Variants in GGT5 observed in about 807,000 individuals in gnomAD.
GGT5 encodes the protein glutathione hydrolase 5 proenzyme.
A neutral mutation model predicts 58.1 loss-of-function variants in GGT5; 50 were observed. That is an observed-to-expected ratio of 0.86 (90% CI 0.69 to 1.09). GGT5 has a LOEUF of 1.09. Among genes scored for constraint, GGT5 ranks in the 50% least tolerant of loss-of-function variants. The pLI, the probability that GGT5 is intolerant of heterozygous loss-of-function variation, is 0.00. For synonymous variants in GGT5, 370 were observed against 346.1 expected (o/e 1.07, Z -0.77); for missense variants, 800 against 789.4 (o/e 1.01, Z -0.16).
rs1168936335 is a variant in GGT5, at chr22:24,232,924, G to T, written c.495C>A (p.Pro165=). 1.3e-6 allele frequency: 2 copies of T among 1,577,778 alleles called. No individual in the cohort carries two copies. Among genetic ancestry groups the T allele is most frequent in the Admixed American group, 1.8e-5 (1 of 55,040 alleles). The part of the protein sequence containing the change: ...GRLPWAQLFQ[P]TIALLRGGHV... ...GCCCCCCTCGGAGCAGCGCGATGGTGGGCTGGAACAGCTGCGCCCAGGGCA... is the reference window on the plus strand; with the variant it reads ...GCCCCCCTCGGAGCAGCGCGATGGTTGGCTGGAACAGCTGCGCCCAGGGCA... The change falls in exon 4 of 12, where the codon CCC becomes CCA. Residue 165 remains proline, a synonymous_variant. Transcript: ENST00000327365.
intron 6 of GGT5, among the ~76,000 whole-genome samples, chr22:24,226,988 G>A (rs1020157060): frequency 4.0e-5 from 5 of 124,728 alleles, no homozygotes; most frequent in African/African-American, 1.6e-4. Flanking sequence ...TCACTCTATT[G>A]CCCAGGCTGG....
At chr22:24,244,526 C>G in intron 1 of GGT5, 27 bp downstream of exon 1, 1 of 1,600,980 alleles carries the variant, frequency 6.2e-7, no homozygotes, top group Non-Finnish European at 8.5e-7. Flanking sequence ...CCAAGGGCCA[C>G]CCAGCTTCCT....
intron 1 of GGT5, among the ~76,000 whole-genome samples, chr22:24,239,065 C>T (rs557830343): frequency 4.2e-5 from 6 of 142,770 alleles, no homozygotes; most frequent in African/African-American, 1.6e-4. Flanking sequence ...GGTGGCCAGG[C>T]GTGGTGGCTC....
rs767768987 is a variant in GGT5, at chr22:24,232,060, C to T, written c.745G>A (p.Ala249Thr). 6.2e-7 allele frequency: 1 copy of T among 1,613,332 alleles called. No homozygotes were observed. The highest frequency in any genetic ancestry group is 1.1e-5 in the South Asian group (1 of 90,996). Reference protein sequence around the residue: ...RLGQMLVEDIAKEGSQLTLQD... With the variant: ...RLGQMLVEDITKEGSQLTLQD... ...CCTCAGGGAGGCTGACCTTCCTTGG[C>T]AATGTCCTCCACCAGCATCTGGCCC... The change falls in exon 5 of 12, where the codon GCC becomes ACC. Residue 249 changes from alanine to threonine, a missense_variant. Ala to Thr is a moderately conservative substitution (Grantham distance 58). Coordinates refer to ENST00000327365, the MANE Select transcript of GGT5 (RefSeq NM_004121.5).
intron 1 of GGT5, among the ~76,000 whole-genome samples, chr22:24,235,982 C>G (rs1308456838): frequency 4.6e-5 from 7 of 152,178 alleles, no homozygotes; most frequent in African/African-American, 1.7e-4. Context: ...GTCCATGGTC[C>G]TTGTGCATCT....
rs189167005 is a variant in GGT5 at position 24,220,292 on chromosome 22, C to T, written c.1615-176G>A. On this transcript the variant is annotated intron_variant, in intron 11 of 11. Coordinates refer to ENST00000327365, the MANE Select transcript of GGT5 (RefSeq NM_004121.5). ...GGAGCATGGAAGAGATCCAAAGGCC[C>T]ATAGAGGACAAGCTCAGCCTCCAGG... Among the ~76,000 whole-genome samples, 138 of 152,276 alleles carry T rather than the reference C, an allele frequency of 9.1e-4. 1 individual carries two copies. The highest frequency in any genetic ancestry group is 3.4e-3 in the Middle Eastern group (1 of 294).
intron 1 of GGT5, among the ~76,000 whole-genome samples, chr22:24,235,320 A>C (rs1379087632): frequency 6.6e-6 from 1 of 152,136 alleles, no homozygotes. Context: ...GGCCTCCCAA[A>C]GTGCTGGGAT....
At chr22:24,244,043 G>A (rs1284953336) in intron 1 of GGT5, 1 of 154,772 alleles carries the variant, frequency 6.5e-6, no homozygotes, top group Non-Finnish European at 1.4e-5. Context: ...CTCACTGAAG[G>A]GGCCTGCACC....
At chr22:24,228,060 AAAAAAACAAAAC>A (rs1444597470) in intron 6 of GGT5, among the ~76,000 whole-genome samples, 3,996 of 130,546 alleles carry the variant, frequency 0.031, 359 homozygotes, top group African/African-American at 0.094. Flanking sequence ...AAAAAAAAAA[AAAAAAACAAAAC>A]AAAAAAAAAA....
chr22:24,232,955 C>A lies in GGT5; in HGVS notation c.464G>T (p.Gly155Val). 1 of 1,566,568 alleles carries A rather than the reference C, an allele frequency of 6.4e-7. No individual in the cohort carries two copies. Among genetic ancestry groups the A allele is most frequent in the Non-Finnish European group, 8.6e-7 (1 of 1,156,160 alleles). Residue 155 changes from glycine to valine, a missense_variant, in exon 4 of 12, where the codon GGC becomes GTC. Physicochemically the swap from Gly to Val is moderately radical, Grantham distance 109. Coordinates refer to ENST00000327365, the MANE Select transcript of GGT5 (RefSeq NM_004121.5). ...RGYAEAHRRH[G>V]RLPWAQLFQP... is the part of the protein sequence containing the mutation. ...GAACAGCTGCGCCCAGGGCAGGCGGCCATGGCGGCGGTGGGCCTCGGCATA... is the reference window on the plus strand; with the variant it reads ...GAACAGCTGCGCCCAGGGCAGGCGGACATGGCGGCGGTGGGCCTCGGCATA...
At chr22:24,233,771 A>G in intron 2 of GGT5, 103 bp downstream of exon 2, 1 of 1,197,938 alleles carries the variant, frequency 8.3e-7, no homozygotes. Flanking sequence ...GGGCCCAAGA[A>G]CACCCAGAAA....
intron 6 of GGT5, among the ~76,000 whole-genome samples, 157 bp from the exon 7 acceptor site, chr22:24,226,924 T>G: frequency 1.4e-5 from 2 of 146,712 alleles, no homozygotes; most frequent in Admixed American, 7.0e-5. Flanking sequence ...ATACCTTAAG[T>G]GGAAAAGTAA....
At chr22:24,227,924 C>T (rs970498357) in intron 6 of GGT5, among the ~76,000 whole-genome samples, 1 of 151,568 alleles carries the variant, frequency 6.6e-6, no homozygotes, top group Non-Finnish European at 1.5e-5. Context: ...TGGTGGGTGC[C>T]TGTAACCCCA....
Position 24,232,162 on chromosome 22 carries a change from G to T in GGT5, c.643C>A (p.Leu215Ile), listed in dbSNP as rs1317043368. Residue 215 changes from leucine to isoleucine, a missense_variant, in exon 5 of 12, where the codon CTC becomes ATC. Coordinates refer to ENST00000327365, the MANE Select transcript of GGT5 (RefSeq NM_004121.5). ...GTEPLRPQDP[L>I]PWPALATTLE... The stretch of plus-strand genomic sequence containing the variant: ...GTGGTGGCCAGTGCAGGCCATGGGA[G>T]TGGGTCCTGAGGCCTCAGGGGTTCT... 1.3e-6 allele frequency: 2 copies of T among 1,588,008 alleles called. No individual in the cohort carries two copies. Among genetic ancestry groups the T allele is most frequent in the East Asian group, 4.6e-5 (2 of 43,858 alleles).
At chr22:24,224,856 C>T in intron 11 of GGT5, 140 bp downstream of exon 11, 1 of 639,372 alleles carries the variant, frequency 1.6e-6, no homozygotes, top group Non-Finnish European at 2.8e-6. Flanking sequence ...CATCAAGGTC[C>T]CCAACTCCTA....
chr22:24,225,583 C>T lies in GGT5; in HGVS notation c.1299G>A (p.Glu433=), dbSNP rs752530955. 2.2e-5 allele frequency: 35 copies of T among 1,613,326 alleles called. No homozygotes were observed. Among genetic ancestry groups the T allele is most frequent in the Non-Finnish European group, 2.9e-5 (34 of 1,179,378 alleles). The change falls in exon 9 of 12, where the codon GAG becomes GAA. Residue 433 remains glutamate (E), a synonymous_variant. Coordinates refer to ENST00000327365, the MANE Select transcript of GGT5 (RefSeq NM_004121.5). Reference sequence around the variant, plus strand: ...TGGTGCCGGAACCCCGGGGGCATCGCTCGCATAAGTCCAGGAGCTCGTTGT... The same window carrying T: ...TGGTGCCGGAACCCCGGGGGCATCGTTCGCATAAGTCCAGGAGCTCGTTGT... The part of the protein sequence containing the change: ...ILNNELLDLC[E]RCPRGSGTTP...
chr22:24,232,407 C>G (rs544534626), intron 4 of GGT5, among the ~76,000 whole-genome samples, 199 bp from the exon 5 acceptor site: 2 of 152,284 alleles, frequency 1.3e-5, no homozygotes, highest in African/African-American at 4.8e-5. Flanking sequence ...GCTCATGGCC[C>G]TGGTCCAGGG....
At chr22:24,226,828 C>A in intron 6 of GGT5, 61 bp from the exon 7 acceptor site, 1 of 1,353,284 alleles carries the variant, frequency 7.4e-7, no homozygotes, top group East Asian at 2.3e-5. Flanking sequence ...TTGAATGTTG[C>A]CCCCACCCCC....
chr22:24,222,798 CCGG>C (rs2047629541), intron 11 of GGT5, among the ~76,000 whole-genome samples: 1 of 152,180 alleles, frequency 6.6e-6, no homozygotes, highest in African/African-American at 2.4e-5. Flanking sequence ...AAGGGAGGGG[CCGG>C]GCGCGGTGGC....
Sources: gnomAD v4.1 joint callset for allele counts (sites outside exome capture counted in the v4.1 genomes callset) on GRCh38, gnomAD v4.1.1 for gene constraint, MANE v1.5 for transcripts, NCBI Gene and HGNC (gene_info 2026-07-23, HGNC 2026-07-21) for gene names.